The following TNS3 variants were observed in gnomAD, a reference collection of about 807,000 sequenced individuals.
TNS3 encodes the protein tensin-3.
A neutral mutation model predicts 140.9 loss-of-function variants in TNS3; 45 were observed. The ratio of observed to expected loss-of-function variants is 0.32; its 90% CI spans 0.25 to 0.41. The LOEUF (loss-of-function observed/expected upper bound fraction) is 0.41. TNS3 is among the 10% of genes least tolerant of loss of function. The pLI is 1.00. For missense variants in TNS3, 1,716 were observed against 1,906.7 expected (o/e 0.90, Z 1.86); for synonymous variants, 815 against 788.4 (o/e 1.03, Z -0.56).
intron 1 of TNS3, among the ~76,000 whole-genome samples, chr7:47,571,346 G>A (rs749433503): frequency 1.3e-5 from 2 of 152,216 alleles, no homozygotes; most frequent in Non-Finnish European, 2.9e-5. Flanking sequence ...TGGCAGGGAC[G>A]AGAAGGGGTG....
chr7:47,559,503 G>T (rs1162106425), intron 1 of TNS3, among the ~76,000 whole-genome samples: 1 of 152,268 alleles, frequency 6.6e-6, no homozygotes, highest in East Asian at 1.9e-4. Flanking sequence ...ACTTTCTGGT[G>T]CAGGGCGGTG....
intron 3 of TNS3, among the ~76,000 whole-genome samples, chr7:47,487,046 C>T (rs1213377609): frequency 6.6e-6 from 1 of 152,192 alleles, no homozygotes; most frequent in Non-Finnish European, 1.5e-5. Flanking sequence ...AACCTATAAT[C>T]CCAGCACTTT....
intron 1 of TNS3, among the ~76,000 whole-genome samples, chr7:47,547,090 G>A (rs970054470): frequency 3.3e-5 from 5 of 152,126 alleles, no homozygotes; most frequent in African/African-American, 7.2e-5. Context: ...ATTCATTCCC[G>A]AGTTTATAGC....
chr7:47,511,737 C>T (rs1029830555), intron 2 of TNS3, among the ~76,000 whole-genome samples: 34 of 152,218 alleles, frequency 2.2e-4, no homozygotes, highest in East Asian at 9.7e-4. Context: ...CTCCTGTAAA[C>T]GAAGCAAGGG....
chr7:47,548,180 G>T (rs11768544), intron 1 of TNS3, among the ~76,000 whole-genome samples: 44,080 of 152,036 alleles, frequency 0.29, 6,758 homozygotes, highest in East Asian at 0.44. Context: ...GATTATAGGG[G>T]TGAGTCACCA....
intron 3 of TNS3, among the ~76,000 whole-genome samples, chr7:47,503,212 T>C (rs975361446): frequency 1.2e-4 from 18 of 152,112 alleles, no homozygotes; most frequent in African/African-American, 4.3e-4. Context: ...AGTGCAACTC[T>C]AAGGAGCAAA....
At chr7:47,291,341 G>C (rs888203030) in intron 27 of TNS3, among the ~76,000 whole-genome samples, 1 of 152,166 alleles carries the variant, frequency 6.6e-6, no homozygotes, top group Non-Finnish European at 1.5e-5. Context: ...TAGGGACTCA[G>C]GTGACGAGGC....
intron 4 of TNS3, among the ~76,000 whole-genome samples, chr7:47,471,930 T>C (rs987086342): frequency 1.3e-5 from 2 of 152,250 alleles, no homozygotes; most frequent in African/African-American, 4.8e-5. Flanking sequence ...ACAAAGTGGT[T>C]GGCTTCAAAC....
At chr7:47,380,187 C>T (rs1365007237) in intron 16 of TNS3, among the ~76,000 whole-genome samples, 2 of 152,238 alleles carry the variant, frequency 1.3e-5, no homozygotes, top group Non-Finnish European at 2.9e-5. Context: ...GGTGCCCCCA[C>T]AGCCGTACTG....
intron 23 of TNS3, among the ~76,000 whole-genome samples, chr7:47,298,088 G>A (rs1159679050): frequency 6.6e-6 from 1 of 152,122 alleles, no homozygotes; most frequent in Non-Finnish European, 1.5e-5. Context: ...GCCTGGCCAG[G>A]AAAGAAGTTT....
At position 47,433,553 on chromosome 7, in the gene TNS3, T is replaced by C. The variant is rs77069930; in HGVS notation, c.324+1729A>G. ...TAAATAATCTCATCATTTCTTTCAA[T>C]TTCATTTAAAAAATTGAAGTGAACA... is the stretch of plus-strand genomic sequence containing the variant. On this transcript the variant is annotated intron_variant, in intron 8 of 30. Coordinates refer to ENST00000311160, the MANE Select transcript of TNS3 (RefSeq NM_022748.12). 2.8e-3 allele frequency among the ~76,000 whole-genome samples: 423 copies of C among 152,350 alleles called. 1 individual carries two copies. The highest frequency in any genetic ancestry group is 9.6e-3 in the African/African-American group (399 of 41,582).
chr7:47,441,785 A>T (rs143441552), intron 5 of TNS3, among the ~76,000 whole-genome samples: 1 of 152,326 alleles, frequency 6.6e-6, no homozygotes, highest in African/African-American at 2.4e-5. Flanking sequence ...ATTCAAAGAC[A>T]ATCACAGGTG....
rs1449732891 is a variant in TNS3 at position 47,405,628 on chromosome 7, A to G, written c.724-4714T>C. 5.7e-6 allele frequency: 4 copies of G among 702,420 alleles called. No homozygotes were observed. In the African/African-American group the frequency reaches 7.0e-5, roughly 12 times the overall value. The allele number at this position is 702,420 out of a possible 1,614,324, so 43.5% of individuals were successfully genotyped here. On this transcript the variant is annotated intron_variant, in intron 13 of 30. Transcript: ENST00000311160. ...ACACAACCAAGTCCACTATGCTGAG[A>G]TGACAGCATGGATTAAGACCCAGCC...
intron 3 of TNS3, among the ~76,000 whole-genome samples, chr7:47,490,575 A>G (rs1797772866): frequency 6.6e-6 from 1 of 152,236 alleles, no homozygotes; most frequent in African/African-American, 2.4e-5. Context: ...CTGGCCTTAG[A>G]CAGCTGCAGT....
intron 12 of TNS3, 54 bp from the exon 13 acceptor site, chr7:47,411,856 A>G: frequency 6.4e-7 from 1 of 1,559,702 alleles, no homozygotes; most frequent in Non-Finnish European, 8.8e-7. Context: ...TTTTGTGGGA[A>G]GAATACATGT....
chr7:47,447,248 A>ATGTTTGTTTGTTTGTT (rs3037478), intron 4 of TNS3, among the ~76,000 whole-genome samples: 13 of 149,076 alleles, frequency 8.7e-5, no homozygotes, highest in South Asian at 4.4e-4. Context: ...GGTTCCACAT[A>ATGTTTGTTTGTTTGTT]TGTTTGTTTG....
chr7:47,465,047 G>T (rs1466533498), intron 4 of TNS3, among the ~76,000 whole-genome samples: 1 of 152,178 alleles, frequency 6.6e-6, no homozygotes, highest in African/African-American at 2.4e-5. Flanking sequence ...TGAGTGAGTT[G>T]TATGATTTTC....
chr7:47,445,209 T>C (rs1245745265), intron 4 of TNS3, among the ~76,000 whole-genome samples: 1 of 152,178 alleles, frequency 6.6e-6, no homozygotes, highest in East Asian at 1.9e-4. Flanking sequence ...GTCCACCTCA[T>C]GCCTCCAGAT....
chr7:47,477,435 A>G (rs1043598796), intron 4 of TNS3, among the ~76,000 whole-genome samples: 6 of 152,148 alleles, frequency 3.9e-5, no homozygotes, highest in African/African-American at 1.2e-4. Context: ...AGGACAGAGC[A>G]GAAGAGCAGC....
Sources: gnomAD v4.1 joint callset for allele counts (sites outside exome capture counted in the v4.1 genomes callset) on GRCh38, gnomAD v4.1.1 for gene constraint, MANE v1.5 for transcripts, NCBI Gene and HGNC (gene_info 2026-07-23, HGNC 2026-07-21) for gene names.